The following THSD7B variants were observed in gnomAD, a reference collection of about 807,000 sequenced individuals.
THSD7B encodes the protein thrombospondin type 1 domain containing 7B, also known as thrombospondin type-1 domain-containing protein 7B.
A neutral mutation model predicts 213.6 loss-of-function variants in THSD7B; 138 were observed. The ratio of observed to expected loss-of-function variants is 0.65; its 90% CI spans 0.56 to 0.74. The LOEUF is 0.74. Among genes scored for constraint, THSD7B ranks in the 30% least tolerant of loss-of-function variants. The probability of loss-of-function intolerance (pLI) is 0.00; values close to 1 mark genes in which losing one functional copy is unlikely to be tolerated. For missense variants in THSD7B, 1,931 were observed against 1,991.5 expected (o/e 0.97, Z 0.58); for synonymous variants, 742 against 687.0 (o/e 1.08, Z -1.25).
At chr2:137,067,012 T>C (rs1687395708) in intron 3 of THSD7B, among the ~76,000 whole-genome samples, 1 of 152,110 alleles carries the variant, frequency 6.6e-6, no homozygotes, top group Non-Finnish European at 1.5e-5. Context: ...TTTACGATGT[T>C]TTTGATTTCT....
At chr2:136,879,131 A>G (rs576197900) in intron 1 of THSD7B, among the ~76,000 whole-genome samples, 1 of 152,318 alleles carries the variant, frequency 6.6e-6, no homozygotes, top group South Asian at 2.1e-4. Flanking sequence ...AGCTTTCTAC[A>G]TATGGCTAGC....
At chr2:137,495,632 G>C (rs946261810) in intron 15 of THSD7B, among the ~76,000 whole-genome samples, 1 of 152,074 alleles carries the variant, frequency 6.6e-6, no homozygotes, top group African/African-American at 2.4e-5. Context: ...CAAATGATTG[G>C]TGCAAGAGCC....
At chr2:137,458,550 A>G (rs1191006574) in intron 15 of THSD7B, among the ~76,000 whole-genome samples, 1 of 152,148 alleles carries the variant, frequency 6.6e-6, no homozygotes, top group African/African-American at 2.4e-5. Context: ...TCTGGACGCA[A>G]TAGTTTTGGC....
At chr2:137,288,683 AT>A (rs1169202282) in intron 12 of THSD7B, among the ~76,000 whole-genome samples, 1 of 152,078 alleles carries the variant, frequency 6.6e-6, no homozygotes, top group Admixed American at 6.6e-5. Context: ...ATAGGATAAT[AT>A]TGACATTAAA....
rs145291589 is a variant in THSD7B at position 137,297,621 on chromosome 2, T to A, written c.2500+21595T>A. 4.2e-3 allele frequency among the ~76,000 whole-genome samples: 634 copies of A among 152,216 alleles called. 5 individuals carry two copies. Among genetic ancestry groups the A allele is most frequent in the African/African-American group, 0.014 (600 of 41,554 alleles). ...TGGTGCCCCCACCCAAATCTCAACT[T>A]GAATTTTATCTCCCAGAATTCCCAT... On this transcript the variant is annotated intron_variant, in intron 12 of 27. Coordinates refer to ENST00000409968, the MANE Select transcript of THSD7B (RefSeq NM_001316349.2).
chr2:137,030,848 G>A (rs551890502), intron 2 of THSD7B, among the ~76,000 whole-genome samples: 26 of 151,894 alleles, frequency 1.7e-4, no homozygotes, highest in African/African-American at 4.8e-4. Flanking sequence ...TGATGGGTGC[G>A]GTAAAATCCT....
At chr2:137,555,773 G>A (rs754135988) in intron 15 of THSD7B, among the ~76,000 whole-genome samples, 16 of 152,112 alleles carry the variant, frequency 1.1e-4, no homozygotes, top group African/African-American at 3.1e-4. Context: ...TGAACCCATC[G>A]CAAAGAAGTT....
intron 12 of THSD7B, among the ~76,000 whole-genome samples, chr2:137,359,003 G>A (rs1263754407): frequency 1.3e-5 from 2 of 152,136 alleles, no homozygotes; most frequent in East Asian, 3.9e-4. Context: ...TTCCTCAACT[G>A]AAAATAAAAT....
chr2:137,594,527 TA>T (rs1208115828), intron 17 of THSD7B, among the ~76,000 whole-genome samples: 1 of 152,024 alleles, frequency 6.6e-6, no homozygotes, highest in Non-Finnish European at 1.5e-5. Flanking sequence ...AGTAAACAGC[TA>T]TGTGTTTGTC....
At chr2:136,956,991 T>G (rs2105079749) in intron 2 of THSD7B, among the ~76,000 whole-genome samples, 1 of 152,246 alleles carries the variant, frequency 6.6e-6, no homozygotes, top group East Asian at 1.9e-4. Flanking sequence ...ATAAGAATTT[T>G]ATTAGGCTTC....
intron 5 of THSD7B, among the ~76,000 whole-genome samples, chr2:137,145,628 A>T (rs1336225618): frequency 6.6e-6 from 1 of 152,074 alleles, no homozygotes; most frequent in Non-Finnish European, 1.5e-5. Flanking sequence ...ATTAGCCATA[A>T]TAAGTATGTC....
At chr2:136,985,511 T>G (rs1685656055) in intron 2 of THSD7B, among the ~76,000 whole-genome samples, 1 of 152,230 alleles carries the variant, frequency 6.6e-6, no homozygotes, top group Admixed American at 6.5e-5. Context: ...AATTCTGGCA[T>G]GCAGAATGCA....
intron 12 of THSD7B, among the ~76,000 whole-genome samples, chr2:137,284,605 G>T (rs1354723471): frequency 6.6e-6 from 1 of 152,076 alleles, no homozygotes; most frequent in Non-Finnish European, 1.5e-5. Context: ...TTGTGTCTTT[G>T]TTGTCGTTGG....
chr2:137,555,968 T>G (rs1558837827), intron 15 of THSD7B, among the ~76,000 whole-genome samples: 1 of 152,104 alleles, frequency 6.6e-6, no homozygotes, highest in Non-Finnish European at 1.5e-5. Context: ...ATGAATGAAA[T>G]GTAGCGAGAA....
At chr2:136,830,484 A>G (rs4954364) in intron 1 of THSD7B, among the ~76,000 whole-genome samples, 20,373 of 152,052 alleles carry the variant, frequency 0.13, 1,449 homozygotes, top group Middle Eastern at 0.31. Flanking sequence ...TTCATTATTC[A>G]GTTTACTACA....
At chr2:137,608,075 C>T (rs1682218138) in intron 17 of THSD7B, among the ~76,000 whole-genome samples, 1 of 152,168 alleles carries the variant, frequency 6.6e-6, no homozygotes, top group Non-Finnish European at 1.5e-5. Flanking sequence ...ATATATCTGG[C>T]ACTTCTCCTT....
chr2:137,590,792 GTTTTT>G (rs1215185747), intron 17 of THSD7B, among the ~76,000 whole-genome samples: 2 of 88,714 alleles, frequency 2.3e-5, no homozygotes, highest in Admixed American at 1.3e-4. Flanking sequence ...CTTTGAAATA[GTTTTT>G]TTTTTTTTTT....
intron 12 of THSD7B, among the ~76,000 whole-genome samples, chr2:137,378,747 A>G (rs1367462683): frequency 3.9e-5 from 6 of 151,952 alleles, no homozygotes; most frequent in Non-Finnish European, 8.8e-5. Flanking sequence ...ACCTCCCCCA[A>G]CCACTCCCTA....
At chr2:136,990,762 T>A (rs1438773917) in intron 2 of THSD7B, 1 of 519,498 alleles carries the variant, frequency 1.9e-6, no homozygotes, top group Non-Finnish European at 3.4e-6. Context: ...CCTTCTCTAA[T>A]ACCTTGTTTG....
Sources: gnomAD v4.1 joint callset for allele counts (sites outside exome capture counted in the v4.1 genomes callset) on GRCh38, gnomAD v4.1.1 for gene constraint, MANE v1.5 for transcripts, NCBI Gene and HGNC (gene_info 2026-07-23, HGNC 2026-07-21) for gene names.